Variants in BIRC6 observed in about 807,000 individuals in gnomAD.
BIRC6 encodes dual E2 ubiquitin-conjugating enzyme/E3 ubiquitin-protein ligase BIRC6.
Under a neutral mutation model 503.3 loss-of-function variants are expected in BIRC6, and 98 were observed. The observed-to-expected ratio is 0.19, with a 90% CI of 0.17 to 0.23. The LOEUF (loss-of-function observed/expected upper bound fraction) is 0.23. Ranked by LOEUF, BIRC6 falls within the 10% of genes least tolerant of loss-of-function variation. The pLI is 1.00. For synonymous variants in BIRC6, 2,240 were observed against 2,078.7 expected, an observed-to-expected ratio of 1.08 and a Z score of -2.11; for missense variants, 5,360 against 5,806.0, an observed-to-expected ratio of 0.92 and a Z score of 2.50.
At chr2:32,439,777 G>A (rs2045196051) in intron 16 of BIRC6, 91 bp downstream of exon 16, 1 of 1,170,540 alleles carries the variant, frequency 8.5e-7, no homozygotes, top group African/African-American at 1.6e-5. Flanking sequence ...TGACCTTTCA[G>A]TGATGTTTTA....
intron 71 of BIRC6, among the ~76,000 whole-genome samples, chr2:32,604,020 C>T (rs1045154945): frequency 2.6e-5 from 4 of 151,902 alleles, no homozygotes; most frequent in Admixed American, 2.0e-4. Context: ...TTTTAAGTGA[C>T]GTTCTGTTGA....
rs115278895 is a variant in BIRC6, at chr2:32,581,166, G to A, written c.13355+5800G>A. 8.7e-3 allele frequency among the ~76,000 whole-genome samples: 1,322 copies of A among 152,298 alleles called. 9 individuals are homozygous for A. Among genetic ancestry groups the A allele is most frequent in the Middle Eastern group, 0.02 (6 of 294 alleles). ...TCTTTTGTATTAAGGTCCTGGAATG[G>A]CAGGGTGAGACTCCATACATGTTCA... On this transcript the variant is annotated intron_variant, in intron 66 of 73. Transcript: ENST00000421745.
intron 65 of BIRC6, chr2:32,566,579 C>A (rs1275203674): frequency 6.6e-6 from 1 of 152,174 alleles, no homozygotes; most frequent in Non-Finnish European, 1.5e-5. Context: ...GTCTTGAGCT[C>A]CTGGGCTCTA....
intron 1 of BIRC6, among the ~76,000 whole-genome samples, chr2:32,376,069 C>G (rs2036728425): frequency 6.6e-6 from 1 of 151,850 alleles, no homozygotes; most frequent in African/African-American, 2.4e-5. Context: ...ATCTGTAGTC[C>G]CAGCTACTCG....
At chr2:32,597,170 C>G (rs1169906494) in intron 68 of BIRC6, among the ~76,000 whole-genome samples, 1 of 152,168 alleles carries the variant, frequency 6.6e-6, no homozygotes, top group African/African-American at 2.4e-5. Context: ...TACTAACTGC[C>G]TAAAATTCCA....
At chr2:32,549,936 A>G (rs538320403) in intron 65 of BIRC6, among the ~76,000 whole-genome samples, 173 of 152,344 alleles carry the variant, frequency 1.1e-3, no homozygotes, top group South Asian at 3.3e-3. Flanking sequence ...TTAAAATTCA[A>G]TAATAAAAGT....
chr2:32,477,703 A>G (rs1048480472), intron 35 of BIRC6, 120 bp downstream of exon 35: 1 of 469,106 alleles, frequency 2.1e-6, no homozygotes, highest in Non-Finnish European at 3.6e-6. Flanking sequence ...GTTCCAGACT[A>G]GTGTGGGCAA....
chr2:32,553,693 G>A (rs1057328062), intron 65 of BIRC6, among the ~76,000 whole-genome samples: 1 of 151,966 alleles, frequency 6.6e-6, no homozygotes, highest in African/African-American at 2.4e-5. Context: ...AACCCAGCCT[G>A]TAAATGAATG....
chr2:32,440,639 G>T (rs1266351762), intron 16 of BIRC6, among the ~76,000 whole-genome samples: 1 of 152,060 alleles, frequency 6.6e-6, no homozygotes, highest in East Asian at 1.9e-4. Context: ...TCTGAAGTAG[G>T]CATAGCAGGT....
intron 65 of BIRC6, among the ~76,000 whole-genome samples, chr2:32,556,615 C>CA (rs1476553059): frequency 1.3e-5 from 2 of 151,996 alleles, no homozygotes; most frequent in Admixed American, 1.3e-4. Context: ...AATTGTTTTG[C>CA]AAACTAGATG....
chr2:32,475,029 G>C (rs375240272), intron 33 of BIRC6, among the ~76,000 whole-genome samples: 5 of 152,108 alleles, frequency 3.3e-5, no homozygotes, highest in Admixed American at 6.5e-5. Context: ...GGCCAATGTG[G>C]TGGCGTGTGC....
At chr2:32,391,134 A>G (rs1433304978) in intron 4 of BIRC6, among the ~76,000 whole-genome samples, 1 of 152,236 alleles carries the variant, frequency 6.6e-6, no homozygotes, top group Non-Finnish European at 1.5e-5. Context: ...CTTTGCAAAC[A>G]GTTGCAGTGT....
In BIRC6 at chr2:32,510,733, A is replaced by T. The variant is rs975917441; in HGVS notation, c.10346+99A>T. The stretch of plus-strand genomic sequence containing the variant: ...TTTTCCTTAGATGATCTCATAAAAG[A>T]CAATACTGTGATATATTGTATGTTT... On this transcript the variant is annotated intron_variant, in intron 53 of 73. Transcript: ENST00000421745. 8.7e-6 allele frequency: 7 copies of T among 804,658 alleles called. No homozygotes were observed. The African/African-American group carries it at 1.0e-4, about 12-fold the overall frequency. The allele number at this position is 804,658 out of a possible 1,614,324, so 49.8% of individuals were successfully genotyped here. A position where few individuals can be genotyped will look rare whatever the true frequency, so the allele number is the denominator to read the frequency against.
chr2:32,504,841 G>T (rs2053623457), intron 49 of BIRC6, among the ~76,000 whole-genome samples, 164 bp from the exon 50 acceptor site: 1 of 152,152 alleles, frequency 6.6e-6, no homozygotes, highest in Admixed American at 6.5e-5. Flanking sequence ...CTCATGTTTT[G>T]TGAATACCTT....
At chr2:32,371,382 A>AT (rs962340224) in intron 1 of BIRC6, among the ~76,000 whole-genome samples, 21 of 150,264 alleles carry the variant, frequency 1.4e-4, no homozygotes, top group East Asian at 3.9e-4. Context: ...TATTAGTATT[A>AT]TTTTTTTTTG....
At chr2:32,581,916 G>A (rs1322649451) in intron 66 of BIRC6, among the ~76,000 whole-genome samples, 1 of 152,152 alleles carries the variant, frequency 6.6e-6, no homozygotes, top group Non-Finnish European at 1.5e-5. Flanking sequence ...AGGATGGAGA[G>A]CAGTGGTGCG....
Position 32,440,751 on chromosome 2 carries a change from T to TTTATTATTATTATTA in BIRC6, c.3811-563_3811-549dup, listed in dbSNP as rs769945864. Among the ~76,000 whole-genome samples, 696 of 147,176 alleles carry TTTATTATTATTATTA rather than the reference T, an allele frequency of 4.7e-3. 3 individuals carry two copies. Among genetic ancestry groups the TTTATTATTATTATTA allele is most frequent in the Admixed American group, 9.6e-3 (142 of 14,732 alleles). On this transcript the variant is annotated intron_variant, in intron 16 of 73. Transcript: ENST00000421745. Reference sequence around the variant, plus strand: ...TATTTTATTTTATTGTGTTTATTTATTTATTATTATTATTATTATTATTAT... The same window carrying TTTATTATTATTATTA: ...TATTTTATTTTATTGTGTTTATTTATTTATTATTATTATTATTATTATTATTATTATTATTATTAT...
In BIRC6 at chr2:32,464,858, A is replaced by G. The variant is rs766193837; in HGVS notation, c.5256+35A>G. On this transcript the variant is annotated intron_variant, in intron 25 of 73. Transcript: ENST00000421745. Reference sequence around the variant, plus strand: ...GTTTTAAATAGGTGTTGGCTTAGACATTTAAAAATATCTTGAAATATACTC... The same window carrying G: ...GTTTTAAATAGGTGTTGGCTTAGACGTTTAAAAATATCTTGAAATATACTC... 8 of 1,548,280 alleles carry G rather than the reference A, an allele frequency of 5.2e-6. No homozygotes were observed. The African/African-American group carries it at 9.7e-5, about 19-fold the overall frequency.
At chr2:32,578,258 A>G (rs1216599675) in intron 66 of BIRC6, among the ~76,000 whole-genome samples, 1 of 151,984 alleles carries the variant, frequency 6.6e-6, no homozygotes, top group Non-Finnish European at 1.5e-5. Flanking sequence ...TTTTTCTAAC[A>G]GAGTTCACAA....
Sources: allele counts gnomAD v4.1 joint callset (sites outside exome capture counted in the v4.1 genomes callset), GRCh38; gene constraint gnomAD v4.1.1; transcripts MANE v1.5; gene names NCBI Gene and HGNC (gene_info 2026-07-23, HGNC 2026-07-21).